Variants in PRKN observed in about 807,000 individuals in gnomAD.
PRKN encodes parkin RBR E3 ubiquitin protein ligase, also known as E3 ubiquitin-protein ligase parkin.
In PRKN, 56 loss-of-function variants were observed where a neutral mutation model predicts 59.5. The observed-to-expected ratio is 0.94, with a 90% CI of 0.76 to 1.18. The LOEUF is 1.18. Among genes scored for constraint, PRKN ranks in the 50% most tolerant of loss-of-function variants. The probability of loss-of-function intolerance (pLI) is 0.00; values close to 1 mark genes in which losing one functional copy is unlikely to be tolerated. For missense variants in PRKN, 657 were observed against 596.4 expected, an observed-to-expected ratio of 1.10 and a Z score of -1.06; for synonymous variants, 250 against 222.1, an observed-to-expected ratio of 1.13 and a Z score of -1.12.
rs184906288 is a variant in PRKN at position 162,337,929 on chromosome 6, T to G, written c.172-75164A>C. ...AAATATTGCCATAAAAATACATTAT[T>G]AATGTTACATAATACACAATATTTC... On this transcript the variant is annotated intron_variant, in intron 2 of 11. Coordinates refer to ENST00000366898, the MANE Select transcript of PRKN (RefSeq NM_004562.3). Among the ~76,000 whole-genome samples the G allele has an allele frequency of 3.8e-3, 578 of 152,226 alleles. 5 individuals carry two copies. The highest frequency in any genetic ancestry group is 0.013 in the African/African-American group (542 of 41,566).
chr6:162,387,489 A>C (rs1786896876), intron 2 of PRKN, among the ~76,000 whole-genome samples: 1 of 151,698 alleles, frequency 6.6e-6, no homozygotes, highest in Admixed American at 6.6e-5. Flanking sequence ...GAAGAAAATA[A>C]AAATTAATGG....
At chr6:162,011,314 ATTTT>A (rs1171497099) in intron 5 of PRKN, among the ~76,000 whole-genome samples, 1 of 30,284 alleles carries the variant, frequency 3.3e-5, no homozygotes, top group East Asian at 1.2e-3. Context: ...TTTATGATAT[ATTTT>A]TATAATATAT....
At chr6:161,973,487 A>C in intron 5 of PRKN, 70 bp from the exon 6 acceptor site, 2 of 826,924 alleles carry the variant, frequency 2.4e-6, no homozygotes, top group Non-Finnish European at 4.2e-6. Flanking sequence ...ATGTTTCCAC[A>C]GTAAACAATC....
intron 5 of PRKN, among the ~76,000 whole-genome samples, chr6:162,003,644 T>C (rs1209818769): frequency 6.6e-6 from 1 of 152,208 alleles, no homozygotes; most frequent in African/African-American, 2.4e-5. Flanking sequence ...TTCATTTTTA[T>C]TGCAGTTTAC....
At chr6:162,725,179 G>A (rs998881321) in intron 1 of PRKN, among the ~76,000 whole-genome samples, 12 of 152,172 alleles carry the variant, frequency 7.9e-5, no homozygotes, top group Non-Finnish European at 1.2e-4. Context: ...TCATACTCCC[G>A]AATCCCGCAA....
At chr6:162,167,688 G>A (rs1783055117) in intron 4 of PRKN, among the ~76,000 whole-genome samples, 1 of 151,474 alleles carries the variant, frequency 6.6e-6, no homozygotes, top group African/African-American at 2.4e-5. Context: ...AAAAATGTAT[G>A]GGAGCCATTG....
chr6:161,522,287 A>G (rs1778858322), intron 9 of PRKN, among the ~76,000 whole-genome samples: 3 of 152,166 alleles, frequency 2.0e-5, no homozygotes, highest in Admixed American at 2.0e-4. Flanking sequence ...CGAGGGAGGT[A>G]GAGGAGAGGG....
chr6:161,954,385 C>A (rs768664298), intron 6 of PRKN, among the ~76,000 whole-genome samples: 9 of 152,194 alleles, frequency 5.9e-5, no homozygotes, highest in Non-Finnish European at 1.2e-4. Context: ...CACAGTGAGA[C>A]AGAATTCGAA....
chr6:161,909,407 G>T (rs766247820), intron 6 of PRKN, among the ~76,000 whole-genome samples: 30 of 152,140 alleles, frequency 2.0e-4, no homozygotes, highest in Non-Finnish European at 3.5e-4. Flanking sequence ...GATAAGAAAT[G>T]TTTTGTGTAA....
chr6:161,663,689 T>G (rs1279343932), intron 7 of PRKN, among the ~76,000 whole-genome samples: 1 of 152,344 alleles, frequency 6.6e-6, no homozygotes, highest in Non-Finnish European at 1.5e-5. Flanking sequence ...GGACTTTTTA[T>G]TAAACTGCAA....
chr6:161,519,232 G>A (rs542475376), intron 9 of PRKN, among the ~76,000 whole-genome samples: 1 of 152,170 alleles, frequency 6.6e-6, no homozygotes, highest in African/African-American at 2.4e-5. Flanking sequence ...GCTGTTCAAG[G>A]TTCCCCTCTG....
intron 1 of PRKN, among the ~76,000 whole-genome samples, chr6:162,487,766 A>G (rs1331803072): frequency 6.6e-6 from 1 of 152,086 alleles, no homozygotes; most frequent in Admixed American, 6.5e-5. Flanking sequence ...CAAATAACCT[A>G]GCAAAACTGT....
intron 1 of PRKN, among the ~76,000 whole-genome samples, chr6:162,658,714 G>GA (rs1255222717): frequency 1.0e-3 from 139 of 132,528 alleles, no homozygotes; most frequent in African/African-American, 2.9e-3. Context: ...GAAAACAAAA[G>GA]AAAAAAAAAA....
chr6:162,156,230 C>T (rs953025514), intron 4 of PRKN, among the ~76,000 whole-genome samples: 5 of 152,154 alleles, frequency 3.3e-5, no homozygotes, highest in Non-Finnish European at 5.9e-5. Flanking sequence ...TGTATCCAAT[C>T]GTCCAAAAGT....
At chr6:161,923,380 G>T (rs1357291628) in intron 6 of PRKN, among the ~76,000 whole-genome samples, 1 of 152,140 alleles carries the variant, frequency 6.6e-6, no homozygotes, top group African/African-American at 2.4e-5. Context: ...CTACCAGGGA[G>T]GCTGAGGTGG....
rs578016378 is a variant in PRKN, at chr6:161,921,320, C to G, written c.734+51982G>C. 8.5e-5 allele frequency among the ~76,000 whole-genome samples: 13 copies of G among 152,262 alleles called. No individual in the cohort carries two copies. The South Asian group carries it at 1.9e-3, about 22-fold the overall frequency. On this transcript the variant is annotated intron_variant, in intron 6 of 11. Coordinates refer to ENST00000366898, the MANE Select transcript of PRKN (RefSeq NM_004562.3). ...GACCTGTCATTTCCTATAACAATGCCTTCTTCTGGAAATCCTCCTGAAGAT... is the reference window on the plus strand; with the variant it reads ...GACCTGTCATTTCCTATAACAATGCGTTCTTCTGGAAATCCTCCTGAAGAT...
rs147404639 is a variant in PRKN, at chr6:162,025,249, C to A, written c.618+28842G>T. ...CGATCTTCTGACCTTGTGATCCGAC[C>A]GCCTCGGCCTCCGAAAGTGCTGGGA... On this transcript the variant is annotated intron_variant, in intron 5 of 11. Coordinates refer to ENST00000366898, the MANE Select transcript of PRKN (RefSeq NM_004562.3). 3.8e-4 allele frequency among the ~76,000 whole-genome samples: 58 copies of A among 152,002 alleles called. No homozygotes were observed. In the East Asian group the frequency reaches 0.011, roughly 28 times the overall value.
intron 2 of PRKN, among the ~76,000 whole-genome samples, chr6:162,337,946 C>CAAAAA (rs1783924050): frequency 6.6e-6 from 1 of 152,082 alleles, no homozygotes; most frequent in South Asian, 2.1e-4. Context: ...ACATAATACA[C>CAAAAA]AATATTTCAT....
At chr6:161,680,775 A>ATATATTTT (rs1216235673) in intron 7 of PRKN, among the ~76,000 whole-genome samples, 1 of 30,634 alleles carries the variant, frequency 3.3e-5, no homozygotes, top group Non-Finnish European at 6.1e-5. Flanking sequence ...ATATATATAT[A>ATATATTTT]TTTTTTTTTT....
Sources: allele counts gnomAD v4.1 joint callset (sites outside exome capture counted in the v4.1 genomes callset), GRCh38; gene constraint gnomAD v4.1.1; transcripts MANE v1.5; gene names NCBI Gene and HGNC (gene_info 2026-07-23, HGNC 2026-07-21).